CCDC149: variants seen among roughly 807,000 people sequenced by gnomAD.
CCDC149 encodes coiled-coil domain containing 149, also known as coiled-coil domain-containing protein 149.
A neutral mutation model predicts 59.9 loss-of-function variants in CCDC149; 45 were observed. That is an observed-to-expected ratio of 0.75 (90% CI 0.59 to 0.96). The LOEUF (loss-of-function observed/expected upper bound fraction) is 0.96, where lower values mean the gene tolerates loss of function less well. CCDC149 is among the 40% of genes least tolerant of loss of function. The pLI is 0.00. For synonymous variants in CCDC149, 245 were observed against 260.6 expected, an observed-to-expected ratio of 0.94 and a Z score of 0.58; for missense variants, 584 against 664.7, an observed-to-expected ratio of 0.88 and a Z score of 1.33.
chr4:24,874,244 G>GTTTTTTTTTTTTTTTTTTTT lies in CCDC149; in HGVS notation c.226-526_226-525insAAAAAAAAAAAAAAAAAAAA, dbSNP rs5856868. On this transcript the variant is annotated intron_variant, in intron 2 of 12. Coordinates refer to ENST00000635206, the MANE Select transcript of CCDC149 (RefSeq NM_001330643.2). ...GAGAACTTCTAGTCCTATTAGATTT[G>GTTTTTTTTTTTTTTTTTTTT]TTTTTTTTTTTTTTTGTTTTGTTTT... Among the ~76,000 whole-genome samples the GTTTTTTTTTTTTTTTTTTTT allele has an allele frequency of 2.5e-4, 22 of 87,484 alleles. 3 individuals are homozygous for GTTTTTTTTTTTTTTTTTTTT. Among genetic ancestry groups the GTTTTTTTTTTTTTTTTTTTT allele is most frequent in the African/African-American group, 1.2e-3 (20 of 17,170 alleles). The allele number at this position is 87,484 out of a possible 152,430, so 57.4% of individuals were successfully genotyped here.
intron 10 of CCDC149, among the ~76,000 whole-genome samples, chr4:24,821,846 T>G (rs1013026055): frequency 6.6e-6 from 1 of 152,052 alleles, no homozygotes; most frequent in Non-Finnish European, 1.5e-5. Flanking sequence ...CTAATTAAAG[T>G]AGAATACCAG....
At chr4:24,822,678 T>A (rs1191182266) in intron 9 of CCDC149, 105 bp from the exon 10 acceptor site, 1 of 696,150 alleles carries the variant, frequency 1.4e-6, no homozygotes, top group Non-Finnish European at 2.3e-6. Flanking sequence ...AGATTTATGA[T>A]ATATGCAAAA....
chr4:24,888,387 G>A (rs1720325897), intron 1 of CCDC149, among the ~76,000 whole-genome samples: 1 of 152,032 alleles, frequency 6.6e-6, no homozygotes, highest in African/African-American at 2.4e-5. Context: ...AAAAAATCCA[G>A]TTACACAAAC....
At chr4:24,914,976 A>G (rs1722083452), upstream of CCDC149, among the ~76,000 whole-genome samples, 1 of 152,212 alleles carries the variant, frequency 6.6e-6, no homozygotes, top group Non-Finnish European at 1.5e-5. Flanking sequence ...GAAGTTCAAT[A>G]ACATTGCACA....
chr4:24,843,796 C>T (rs761272520), intron 4 of CCDC149, among the ~76,000 whole-genome samples: 1 of 152,150 alleles, frequency 6.6e-6, no homozygotes, highest in Non-Finnish European at 1.5e-5. Context: ...TGGCACTTCA[C>T]AGCACTGAGA....
At chr4:24,939,228 C>T (rs1175147542) in intron 1 of CCDC149, among the ~76,000 whole-genome samples, 1 of 152,178 alleles carries the variant, frequency 6.6e-6, no homozygotes, top group Non-Finnish European at 1.5e-5. Flanking sequence ...GCAGCATTTG[C>T]GGTTCACCAA....
At chr4:24,819,796 T>C (rs1453698057) in intron 12 of CCDC149, 63 bp downstream of exon 12, 2 of 1,163,324 alleles carry the variant, frequency 1.7e-6, no homozygotes, top group Admixed American at 2.0e-5. Context: ...CCGATGTCCA[T>C]TGAGCCACTC....
At chr4:24,902,334 G>A (rs1027971526) in intron 1 of CCDC149, among the ~76,000 whole-genome samples, 5 of 152,140 alleles carry the variant, frequency 3.3e-5, no homozygotes, top group African/African-American at 9.7e-5. Flanking sequence ...CCTACCCCAA[G>A]TATTTTCATC....
intron 1 of CCDC149, among the ~76,000 whole-genome samples, chr4:24,898,228 G>A (rs1472339520): frequency 6.6e-6 from 1 of 152,132 alleles, no homozygotes; most frequent in Non-Finnish European, 1.5e-5. Context: ...AGGGTTGGGG[G>A]ATTTAAAACA....
At chr4:24,887,952 A>G (rs1720293714) in intron 1 of CCDC149, among the ~76,000 whole-genome samples, 1 of 151,808 alleles carries the variant, frequency 6.6e-6, no homozygotes, top group Non-Finnish European at 1.5e-5. Flanking sequence ...TGCTGCCCCC[A>G]CACTCAAGCT....
intron 1 of CCDC149, among the ~76,000 whole-genome samples, chr4:24,949,745 A>G (rs1294879287): frequency 6.6e-6 from 1 of 152,204 alleles, no homozygotes; most frequent in Non-Finnish European, 1.5e-5. Flanking sequence ...TCAACCTGAG[A>G]GAAAACAGCA....
At chr4:24,811,267 T>C (rs1714577448) in intron 12 of CCDC149, among the ~76,000 whole-genome samples, 2 of 152,210 alleles carry the variant, frequency 1.3e-5, no homozygotes, top group South Asian at 4.1e-4. Context: ...TTTCCTTTGC[T>C]ACACTGATCT....
rs35634330 is a variant in CCDC149, at chr4:24,964,937, G to GA, written c.-65+15131dup. Among the ~76,000 whole-genome samples, 131 of 146,288 alleles carry GA rather than the reference G, an allele frequency of 9.0e-4. 10 individuals carry two copies. Among genetic ancestry groups the GA allele is most frequent in the African/African-American group, 3.3e-3 (124 of 37,088 alleles). On this transcript the variant is annotated intron_variant, in intron 1 of 12. Transcript: ENST00000389609. ...AAGAACTGTACTTGCTTCAAGTCTG[G>GA]AAAAAAAGACTGCAAATTTTGTCTG...
intron 1 of CCDC149, among the ~76,000 whole-genome samples, chr4:24,885,310 A>G (rs1239942304): frequency 6.6e-6 from 1 of 152,210 alleles, no homozygotes; most frequent in Non-Finnish European, 1.5e-5. Flanking sequence ...TGGACAGTAC[A>G]GTGTGGGTGG....
intron 1 of CCDC149, among the ~76,000 whole-genome samples, chr4:24,952,595 CAAAAAAAAAAAAAAA>C (rs869310845): frequency 4.8e-5 from 2 of 41,414 alleles, no homozygotes; most frequent in African/African-American, 2.5e-4. Context: ...AACTCCATCT[CAAAAAAAAAAAAAAA>C]AAAAAAAAAA....
chr4:24,878,235 A>G (rs12650428), intron 1 of CCDC149, among the ~76,000 whole-genome samples: 62,713 of 147,224 alleles, frequency 0.43, 14,145 homozygotes, highest in Non-Finnish European at 0.51. Context: ...AAAAAAAAAA[A>G]AAAGAAAGTA....
intron 1 of CCDC149, among the ~76,000 whole-genome samples, chr4:24,888,915 CT>C (rs111370422): frequency 0.13 from 19,559 of 147,178 alleles, 1,510 homozygotes; most frequent in African/African-American, 0.22. Context: ...TCTAAGATGA[CT>C]TTTTTTTTTT....
At position 24,842,473 on chromosome 4, in the gene CCDC149, C is replaced by T. The variant is rs1716996417; in HGVS notation, c.373-4201G>A. 1.3e-5 allele frequency among the ~76,000 whole-genome samples: 2 copies of T among 152,168 alleles called. 1 individual carries two copies. Among genetic ancestry groups the T allele is most frequent in the Admixed American group, 1.3e-4 (2 of 15,284 alleles). ...GACACTTAATTTCCTCAAACAGGGC[C>T]ATCAAAACTGCACAGCCAGCCTCCC... is the stretch of plus-strand genomic sequence containing the variant. On this transcript the variant is annotated intron_variant, in intron 4 of 12. Coordinates refer to ENST00000635206, the MANE Select transcript of CCDC149 (RefSeq NM_001330643.2).
chr4:24,962,382 C>G (rs1723658792), intron 1 of CCDC149, among the ~76,000 whole-genome samples: 1 of 152,166 alleles, frequency 6.6e-6, no homozygotes, highest in Non-Finnish European at 1.5e-5. Context: ...ACTAGTTCAA[C>G]CATTGTGGAA....
Sources: allele counts gnomAD v4.1 joint callset (sites outside exome capture counted in the v4.1 genomes callset), GRCh38; gene constraint gnomAD v4.1.1; transcripts MANE v1.5; gene names NCBI Gene and HGNC (gene_info 2026-07-23, HGNC 2026-07-21).